The following FHIT variants were observed in gnomAD, a reference collection of about 807,000 sequenced individuals.
The protein encoded by FHIT is bis(5'-adenosyl)-triphosphatase.
FHIT carries 19 observed loss-of-function variants against 17.9 expected under a neutral mutation model. The observed-to-expected ratio is 1.06, with a 90% confidence interval of 0.74 to 1.56. The LOEUF is 1.56. FHIT is among the 40% of genes most tolerant of loss of function. The pLI is 0.00. For missense variants in FHIT, 248 were observed against 189.2 expected (o/e 1.31, Z -1.82); for synonymous variants, 81 against 69.7 (o/e 1.16, Z -0.81).
intron 4 of FHIT, among the ~76,000 whole-genome samples, chr3:60,671,177 C>A (rs933636582): frequency 6.6e-6 from 1 of 152,140 alleles, no homozygotes; most frequent in African/African-American, 2.4e-5. Context: ...AGTGGATTAC[C>A]CTCAGAATAC....
At chr3:59,883,737 A>G (rs1703503656) in intron 8 of FHIT, among the ~76,000 whole-genome samples, 1 of 152,240 alleles carries the variant, frequency 6.6e-6, no homozygotes, top group Non-Finnish European at 1.5e-5. Flanking sequence ...TGTAGCTTCA[A>G]TTCAGCCATA....
chr3:60,176,372 A>T (rs1352293777), intron 5 of FHIT, among the ~76,000 whole-genome samples: 2 of 152,128 alleles, frequency 1.3e-5, no homozygotes, highest in Admixed American at 1.3e-4. Flanking sequence ...CAACAACAAC[A>T]AAAGCCACAT....
In FHIT at chr3:59,928,994, C is replaced by CAAA. The variant is rs56107626; in HGVS notation, c.280-6583_280-6581dup. Among the ~76,000 whole-genome samples the CAAA allele has an allele frequency of 8.1e-4, 27 of 33,138 alleles. 3 individuals carry two copies. The highest frequency in any genetic ancestry group is 1.6e-3 in the African/African-American group (13 of 7,986). The allele number at this position is 33,138 out of a possible 152,430, so 21.7% of individuals were successfully genotyped here. ...TGGGCGACAGAGTGAGACTTCATCT[C>CAAA]AAAAAAAAAAAAAAAAAAAAAAAAA... is the stretch of plus-strand genomic sequence containing the variant. On this transcript the variant is annotated intron_variant, in intron 7 of 9. Transcript: ENST00000492590.
intron 5 of FHIT, among the ~76,000 whole-genome samples, chr3:60,466,023 G>C (rs187297432): frequency 2.6e-5 from 4 of 152,120 alleles, no homozygotes; most frequent in South Asian, 2.1e-4. Context: ...CATGAACATG[G>C]AATATCTTTC....
intron 5 of FHIT, among the ~76,000 whole-genome samples, chr3:60,025,542 A>C (rs1261515609): frequency 6.6e-6 from 1 of 152,218 alleles, no homozygotes; most frequent in African/African-American, 2.4e-5. Context: ...TGAAGCCTCC[A>C]TAAAAGACAA....
chr3:60,011,446 A>G lies in FHIT; in HGVS notation c.250-46T>C, dbSNP rs184157482. 3.2e-4 allele frequency: 479 copies of G among 1,498,566 alleles called. No homozygotes were observed. The African/African-American group carries it at 5.9e-3, about 18-fold the overall frequency. The allele number at this position is 1,498,566 out of a possible 1,614,324, so 92.8% of individuals were successfully genotyped here. On this transcript the variant is annotated intron_variant, in intron 6 of 9. Coordinates refer to ENST00000492590, the MANE Select transcript of FHIT (RefSeq NM_002012.4). The stretch of plus-strand genomic sequence containing the variant: ...ACAGAGGTGAGAATAGATAGATGGT[A>G]TCTCCTGCTTATTCAGAAATATCAC...
intron 4 of FHIT, among the ~76,000 whole-genome samples, chr3:60,569,755 A>ATATATATATATATATTTATATTT: frequency 1.3e-5 from 1 of 77,340 alleles, no homozygotes; most frequent in African/African-American, 4.8e-5. Context: ...ATATATATAT[A>ATATATATATATATATTTATATTT]TTTTTTTTTT....
chr3:60,342,358 T>TA (rs1445949072), intron 5 of FHIT, among the ~76,000 whole-genome samples: 2 of 152,246 alleles, frequency 1.3e-5, no homozygotes, highest in Non-Finnish European at 2.9e-5. Context: ...GTGTGGCAGA[T>TA]ATAACACAGG....
intron 5 of FHIT, among the ~76,000 whole-genome samples, chr3:60,234,755 G>A (rs571652449): frequency 5.3e-5 from 8 of 152,244 alleles, no homozygotes; most frequent in African/African-American, 9.6e-5. Context: ...GATCCAAACT[G>A]AGTTTACATT....
At chr3:60,567,579 T>A (rs567436636) in intron 4 of FHIT, among the ~76,000 whole-genome samples, 40 of 152,056 alleles carry the variant, frequency 2.6e-4, no homozygotes, top group Non-Finnish European at 4.7e-4. Context: ...CTAAAAGCAA[T>A]GGCAACAAAA....
Position 60,046,138 on chromosome 3 carries a change from G to A in FHIT, c.104-31986C>T, listed in dbSNP as rs116672689. ...AGGCATTGGGTCATATGTGTAAAACGAAAGCAAGTACTTAACACAATAGAC... is the reference window on the plus strand; with the variant it reads ...AGGCATTGGGTCATATGTGTAAAACAAAAGCAAGTACTTAACACAATAGAC... On this transcript the variant is annotated intron_variant, in intron 5 of 9. Transcript: ENST00000492590. Among the ~76,000 whole-genome samples, 1,200 of 152,262 alleles carry A rather than the reference G, an allele frequency of 7.9e-3. 11 individuals carry two copies. Among genetic ancestry groups the A allele is most frequent in the Middle Eastern group, 0.027 (8 of 294 alleles).
intron 8 of FHIT, among the ~76,000 whole-genome samples, chr3:59,781,962 T>G (rs1452883128): frequency 6.6e-6 from 1 of 152,188 alleles, no homozygotes; most frequent in Non-Finnish European, 1.5e-5. Context: ...AGATTTGCAT[T>G]TGTCTAAAAT....
At chr3:60,700,240 AC>A (rs1220501875) in intron 4 of FHIT, among the ~76,000 whole-genome samples, 12 of 152,150 alleles carry the variant, frequency 7.9e-5, no homozygotes, top group Admixed American at 7.2e-4. Flanking sequence ...ACTAAAAAAA[AC>A]AAAACAAAAA....
chr3:61,015,062 G>C (rs1396204005), intron 3 of FHIT, among the ~76,000 whole-genome samples: 2 of 151,628 alleles, frequency 1.3e-5, no homozygotes, highest in Non-Finnish European at 2.9e-5. Context: ...GAAGCTCCTA[G>C]ACAAAATGGG....
intron 4 of FHIT, among the ~76,000 whole-genome samples, chr3:60,586,082 G>C (rs1398493312): frequency 6.6e-6 from 1 of 152,026 alleles, no homozygotes; most frequent in South Asian, 2.1e-4. Context: ...ACACAGCTGA[G>C]ATTTGCATAT....
At chr3:60,499,480 C>T (rs1399526472) in intron 5 of FHIT, among the ~76,000 whole-genome samples, 2 of 152,048 alleles carry the variant, frequency 1.3e-5, no homozygotes. Context: ...TAAGCTCCTC[C>T]TCCCGGGTTC....
At chr3:60,687,829 G>A (rs1208386897) in intron 4 of FHIT, among the ~76,000 whole-genome samples, 1 of 151,982 alleles carries the variant, frequency 6.6e-6, no homozygotes, top group East Asian at 1.9e-4. Context: ...TGTATTTTGA[G>A]GCTGTTACCA....
intron 5 of FHIT, among the ~76,000 whole-genome samples, chr3:60,123,993 TATATATATATATATATAGAGAG>T (rs1405245171): frequency 4.9e-5 from 2 of 40,762 alleles, no homozygotes; most frequent in African/African-American, 9.3e-5. Flanking sequence ...TATATATATA[TATATATATATATATATAGAGAG>T]AGAGAGAGAG....
At chr3:60,924,196 C>A (rs977559591) in intron 3 of FHIT, among the ~76,000 whole-genome samples, 4 of 152,218 alleles carry the variant, frequency 2.6e-5, no homozygotes. Flanking sequence ...TGTCTGACAG[C>A]TTTGAAGAGA....
Sources: allele counts gnomAD v4.1 joint callset (sites outside exome capture counted in the v4.1 genomes callset), GRCh38; gene constraint gnomAD v4.1.1; transcripts MANE v1.5; gene names NCBI Gene and HGNC (gene_info 2026-07-23, HGNC 2026-07-21).